CD38: variants seen among roughly 807,000 people sequenced by gnomAD.
CD38 encodes CD38 molecule.
Under a neutral mutation model 36.3 loss-of-function variants are expected in CD38, and 31 were observed. The ratio of observed to expected loss-of-function variants is 0.85; its 90% confidence interval spans 0.64 to 1.15. CD38 has a LOEUF of 1.15. Ranked by LOEUF, CD38 falls within the 50% of genes most tolerant of loss-of-function variation. CD38 has a pLI of 0.00. For synonymous variants in CD38, 131 were observed against 135.2 expected, an observed-to-expected ratio of 0.97 and a Z score of 0.22; for missense variants, 380 against 371.9, an observed-to-expected ratio of 1.02 and a Z score of -0.18.
rs368804505 is a variant in CD38, at chr4:15,848,568, A to G, written c.869A>G (p.Asn290Ser). 1.9e-6 allele frequency: 3 copies of G among 1,613,886 alleles called. No homozygotes were observed. Among genetic ancestry groups the G allele is most frequent in the Non-Finnish European group, 2.5e-6 (3 of 1,179,842 alleles). Residue 290 changes from asparagine (N) to serine (S), a missense_variant, in exon 8 of 8, where the codon AAT becomes AGT. By Grantham distance (46) the Asn-to-Ser change is conservative. Coordinates refer to ENST00000226279, the MANE Select transcript of CD38 (RefSeq NM_001775.4). Reference protein sequence around the residue: ...RPDKFLQCVKNPEDSSCTSEI With the variant: ...RPDKFLQCVKSPEDSSCTSEI ...GACAAGTTTCTTCAGTGTGTGAAAA[A>G]TCCTGAGGATTCATCTTGCACATCT...
chr4:15,823,461 T>G (rs928794464), intron 2 of CD38, among the ~76,000 whole-genome samples: 13 of 152,022 alleles, frequency 8.6e-5, no homozygotes, highest in African/African-American at 3.1e-4. Flanking sequence ...TACAAAGAAC[T>G]TAAACAAATT....
chr4:15,836,102 A>G (rs1421932990), intron 4 of CD38, among the ~76,000 whole-genome samples: 1 of 152,262 alleles, frequency 6.6e-6, no homozygotes, highest in Non-Finnish European at 1.5e-5. Context: ...TGTTAAGTGC[A>G]TATGTCTTAG....
chr4:15,810,140 G>A (rs948771906), intron 1 of CD38, among the ~76,000 whole-genome samples: 1 of 152,094 alleles, frequency 6.6e-6, no homozygotes, highest in South Asian at 2.1e-4. Flanking sequence ...GCTCTGCTCC[G>A]TCTAAACAAG....
intron 1 of CD38, among the ~76,000 whole-genome samples, chr4:15,790,917 A>C (rs1722963303): frequency 6.8e-6 from 1 of 147,346 alleles, no homozygotes. Flanking sequence ...CCCGTCTGAG[A>C]GGTGAGGAGA....
At chr4:15,779,644 T>A (rs1294757902) in intron 1 of CD38, among the ~76,000 whole-genome samples, 1 of 152,234 alleles carries the variant, frequency 6.6e-6, no homozygotes, top group Non-Finnish European at 1.5e-5. Context: ...AATGTTTGCC[T>A]CCTGGGCTTC....
intron 1 of CD38, among the ~76,000 whole-genome samples, chr4:15,780,048 A>G (rs1228710241): frequency 6.6e-6 from 1 of 152,220 alleles, no homozygotes; most frequent in East Asian, 1.9e-4. Flanking sequence ...CGAAGTTCTC[A>G]CTCATGAAAT....
At chr4:15,839,908 G>A in intron 5 of CD38, 118 bp from the exon 6 acceptor site, 1 of 714,864 alleles carries the variant, frequency 1.4e-6, no homozygotes, top group Non-Finnish European at 2.6e-6. Flanking sequence ...GCAATTTGAT[G>A]TGTCAACTCT....
At chr4:15,834,963 ATATAAGG>A (rs1317798521) in intron 4 of CD38, among the ~76,000 whole-genome samples, 3 of 152,198 alleles carry the variant, frequency 2.0e-5, no homozygotes, top group Non-Finnish European at 4.4e-5. Flanking sequence ...GTGGTGATAC[ATATAAGG>A]TATAGTGATG....
intron 1 of CD38, among the ~76,000 whole-genome samples, chr4:15,781,042 A>C (rs1427208435): frequency 1.3e-5 from 2 of 152,130 alleles, no homozygotes; most frequent in Non-Finnish European, 2.9e-5. Flanking sequence ...CAGGAGGAGG[A>C]GGTAGCACTG....
chr4:15,813,760 C>A (rs1225842381), intron 1 of CD38, among the ~76,000 whole-genome samples: 3 of 152,132 alleles, frequency 2.0e-5, no homozygotes, highest in Admixed American at 6.5e-5. Context: ...CATCCATGTC[C>A]CTGCAAAGGA....
intron 1 of CD38, among the ~76,000 whole-genome samples, chr4:15,813,563 A>G (rs1723518395): frequency 1.3e-5 from 2 of 152,120 alleles, no homozygotes; most frequent in South Asian, 4.1e-4. Flanking sequence ...CCCTACATGC[A>G]TTAGGTATTT....
intron 1 of CD38, among the ~76,000 whole-genome samples, chr4:15,807,532 G>T (rs1198023074): frequency 6.7e-6 from 1 of 148,910 alleles, no homozygotes; most frequent in Non-Finnish European, 1.5e-5. Context: ...TGGGGGCCAG[G>T]CCAGCTCCTG....
At chr4:15,837,160 C>T (rs1358998512) in intron 4 of CD38, among the ~76,000 whole-genome samples, 4 of 152,160 alleles carry the variant, frequency 2.6e-5, no homozygotes, top group Admixed American at 2.0e-4. Context: ...TTATATGTAT[C>T]AAGAACCTCC....
intron 5 of CD38, 117 bp from the exon 6 acceptor site, chr4:15,839,909 T>A (rs189089019): frequency 2.8e-6 from 2 of 717,790 alleles, no homozygotes; most frequent in East Asian, 4.9e-5. Flanking sequence ...CAATTTGATG[T>A]GTCAACTCTA....
chr4:15,779,891 C>T (rs1722652839), intron 1 of CD38, among the ~76,000 whole-genome samples: 2 of 151,940 alleles, frequency 1.3e-5, no homozygotes, highest in Admixed American at 6.6e-5. Context: ...CATAGTATTT[C>T]ATAAACTAGA....
intron 1 of CD38, among the ~76,000 whole-genome samples, chr4:15,814,275 G>A (rs563325147): frequency 3.2e-4 from 48 of 152,230 alleles, no homozygotes; most frequent in Non-Finnish European, 5.7e-4. Flanking sequence ...AATACCCTTC[G>A]CCCACTTTTT....
At chr4:15,794,993 TA>T (rs1458589106) in intron 1 of CD38, among the ~76,000 whole-genome samples, 2 of 152,172 alleles carry the variant, frequency 1.3e-5, no homozygotes, top group African/African-American at 4.8e-5. Flanking sequence ...TGTTGATTAG[TA>T]TAGTGAGTCA....
chr4:15,786,179 C>T (rs1212902135), intron 1 of CD38, among the ~76,000 whole-genome samples: 1 of 152,186 alleles, frequency 6.6e-6, no homozygotes, highest in Admixed American at 6.5e-5. Flanking sequence ...AAAGCTTCCC[C>T]AGTGTAGAAG....
At chr4:15,813,771 C>T (rs1723525264) in intron 1 of CD38, among the ~76,000 whole-genome samples, 1 of 152,178 alleles carries the variant, frequency 6.6e-6, no homozygotes, top group Admixed American at 6.5e-5. Context: ...CTGCAAAGGA[C>T]ATAAACTCAT....
Sources: gnomAD v4.1 joint callset for allele counts (sites outside exome capture counted in the v4.1 genomes callset) on GRCh38, gnomAD v4.1.1 for gene constraint, MANE v1.5 for transcripts, NCBI Gene and HGNC (gene_info 2026-07-23, HGNC 2026-07-21) for gene names.